The following HIGD1C variants were observed in gnomAD, a reference collection of about 807,000 sequenced individuals.
HIGD1C encodes the protein HIG1 domain family member 1C.
In HIGD1C, 11 loss-of-function variants were observed where a neutral mutation model predicts 13.1. That is an observed-to-expected ratio of 0.84 (90% CI 0.53 to 1.39). The LOEUF is 1.39. Among genes scored for constraint, HIGD1C ranks in the 40% most tolerant of loss-of-function variants. HIGD1C has a pLI of 0.00. For synonymous variants in HIGD1C, 36 were observed against 37.7 expected, an observed-to-expected ratio of 0.95 and a Z score of 0.17; for missense variants, 110 against 112.0, an observed-to-expected ratio of 0.98 and a Z score of 0.08.
the HIGD1C span, among the ~76,000 whole-genome samples, chr12:50,939,200 T>C: frequency 6.6e-6 from 1 of 152,232 alleles, no homozygotes; most frequent in Non-Finnish European, 1.5e-5. Context: ...CAGGGTAGAA[T>C]GCAGTGGTGC....
intron 1 of HIGD1C, among the ~76,000 whole-genome samples, chr12:50,960,436 A>G (rs1302739466): frequency 6.6e-6 from 1 of 152,228 alleles, no homozygotes; most frequent in East Asian, 1.9e-4. Flanking sequence ...GAAATTACAA[A>G]TGACTAGACA....
At chr12:50,939,905 C>A in the HIGD1C span, 86 of 134,978 alleles carry the variant, frequency 6.4e-4, no homozygotes, top group African/African-American at 2.6e-3. Flanking sequence ...AAATTCCAAT[C>A]ATCTGGATTT....
chr12:50,969,538 A>G (rs1326821938), intron 2 of HIGD1C, among the ~76,000 whole-genome samples: 1 of 151,958 alleles, frequency 6.6e-6, no homozygotes, highest in East Asian at 1.9e-4. Context: ...TGTCTGTACT[A>G]AAAATACAAA....
the HIGD1C span, among the ~76,000 whole-genome samples, chr12:50,939,639 C>T: frequency 6.6e-6 from 1 of 152,188 alleles, no homozygotes; most frequent in Non-Finnish European, 1.5e-5. Context: ...CAGATCTCAT[C>T]ATTGCATCTA....
chr12:50,946,127 C>G, the HIGD1C span, among the ~76,000 whole-genome samples: 1 of 152,130 alleles, frequency 6.6e-6, no homozygotes, highest in East Asian at 1.9e-4. Flanking sequence ...CATAAAAACC[C>G]TAGAAGAAAA....
chr12:50,934,608 G>A, the HIGD1C span, among the ~76,000 whole-genome samples: 15 of 152,330 alleles, frequency 9.8e-5, no homozygotes, highest in South Asian at 4.1e-4. Context: ...GGTGCCCAGC[G>A]AATGTAATCT....
downstream of HIGD1C, among the ~76,000 whole-genome samples, chr12:50,971,175 G>A (rs1335238294): frequency 7.4e-5 from 11 of 148,730 alleles, no homozygotes; most frequent in Non-Finnish European, 9.1e-5. Flanking sequence ...CCACGGCGCC[G>A]AGCCACAGAC....
At chr12:50,968,660 G>A (rs1363193971) in intron 2 of HIGD1C, among the ~76,000 whole-genome samples, 1 of 151,978 alleles carries the variant, frequency 6.6e-6, no homozygotes, top group Admixed American at 6.6e-5. Flanking sequence ...TCCTCACTTT[G>A]CCTCCTGAGT....
At chr12:50,959,044 C>T (rs1239996384) in intron 1 of HIGD1C, among the ~76,000 whole-genome samples, 2 of 152,094 alleles carry the variant, frequency 1.3e-5, no homozygotes, top group Non-Finnish European at 2.9e-5. Context: ...AAAAAAGATG[C>T]ACACTTTTAC....
chr12:50,932,599 C>A, the HIGD1C span: 1 of 152,090 alleles, frequency 6.6e-6, no homozygotes, highest in Non-Finnish European at 1.5e-5. Context: ...GCTATTTAAA[C>A]ATGTAAATTT....
intron 2 of HIGD1C, among the ~76,000 whole-genome samples, chr12:50,961,833 G>C (rs1050962937): frequency 6.6e-6 from 1 of 152,114 alleles, no homozygotes; most frequent in Non-Finnish European, 1.5e-5. Flanking sequence ...CAGAATGATG[G>C]GCATGGGGCT....
At chr12:50,957,194 T>A (rs936340004) in intron 1 of HIGD1C, among the ~76,000 whole-genome samples, 2 of 151,658 alleles carry the variant, frequency 1.3e-5, no homozygotes, top group Non-Finnish European at 2.9e-5. Context: ...GCTATCCACA[T>A]AAAAATTACT....
chr12:50,970,163 G>C (rs1476774168), intron 2 of HIGD1C, among the ~76,000 whole-genome samples: 1 of 152,112 alleles, frequency 6.6e-6, no homozygotes, highest in Non-Finnish European at 1.5e-5. Flanking sequence ...TTCACATCTG[G>C]TCAAATTTGC....
At chr12:50,945,628 T>C in the HIGD1C span, among the ~76,000 whole-genome samples, 24 of 152,234 alleles carry the variant, frequency 1.6e-4, no homozygotes, top group Non-Finnish European at 3.2e-4. Context: ...GTAGGAAGAA[T>C]CAATATCGTG....
the HIGD1C span, among the ~76,000 whole-genome samples, chr12:50,933,150 C>T: frequency 6.6e-6 from 1 of 152,168 alleles, no homozygotes; most frequent in African/African-American, 2.4e-5. Flanking sequence ...AAGTTTTTTA[C>T]AGTCATTCCA....
At chr12:50,951,731 C>A (rs757134956), upstream of HIGD1C, among the ~76,000 whole-genome samples, 25 of 151,716 alleles carry the variant, frequency 1.6e-4, no homozygotes, top group Non-Finnish European at 7.4e-5. Context: ...ACCAGCCCGA[C>A]CAACATTGTG....
chr12:50,960,880 A>G (rs940029013), intron 1 of HIGD1C, 88 bp from the exon 4 acceptor site: 25 of 1,152,360 alleles, frequency 2.2e-5, no homozygotes, highest in African/African-American at 4.8e-5. Flanking sequence ...GGGTCTTGCT[A>G]TGTTGCCCAG....
chr12:50,958,627 T>C (rs1360260752), intron 1 of HIGD1C, among the ~76,000 whole-genome samples: 1 of 152,062 alleles, frequency 6.6e-6, no homozygotes, highest in African/African-American at 2.4e-5. Context: ...AGAATCACTC[T>C]GGCTGATATT....
intron 1 of HIGD1C, among the ~76,000 whole-genome samples, chr12:50,957,113 G>A (rs749546861): frequency 6.6e-6 from 1 of 151,622 alleles, no homozygotes; most frequent in Non-Finnish European, 1.5e-5. Flanking sequence ...TTATTAAATG[G>A]ATCATGAAAG....
Sources: allele counts gnomAD v4.1 joint callset (sites outside exome capture counted in the v4.1 genomes callset), GRCh38; gene constraint gnomAD v4.1.1; transcripts MANE v1.5; gene names NCBI Gene and HGNC (gene_info 2026-07-23, HGNC 2026-07-21).